The following MOB3A variants were observed in gnomAD, a reference collection of about 807,000 sequenced individuals.
MOB3A encodes MOB kinase activator 3A.
MOB3A carries 17 observed loss-of-function variants against 17.8 expected under a neutral mutation model. That is an observed-to-expected ratio of 0.95 (90% CI 0.65 to 1.43). The LOEUF is 1.43. Among genes scored for constraint, MOB3A ranks in the 40% most tolerant of loss-of-function variants. The pLI is 0.00. For missense variants in MOB3A, 333 were observed against 310.8 expected, an observed-to-expected ratio of 1.07 and a Z score of -0.54; for synonymous variants, 124 against 133.2, an observed-to-expected ratio of 0.93 and a Z score of 0.48.
At chr19:2,084,885 G>A (rs953748946) in intron 2 of MOB3A, among the ~76,000 whole-genome samples, 3 of 151,930 alleles carry the variant, frequency 2.0e-5, no homozygotes, top group Admixed American at 1.3e-4. Context: ...CACCGTGCCC[G>A]GCCTAGTTTT....
At position 2,078,569 on chromosome 19, in the gene MOB3A, C is replaced by T. The variant is rs777697541; in HGVS notation, c.-9G>A. ...AGGAAGGGGTTGGACATCTTGGTGACGCCTGCTCTCCTGGACTTCTGTAGA... is the reference window on the plus strand; with the variant it reads ...AGGAAGGGGTTGGACATCTTGGTGATGCCTGCTCTCCTGGACTTCTGTAGA... On this transcript the variant is annotated 5_prime_UTR_variant, in exon 3 of 5. Coordinates refer to ENST00000357066, the MANE Select transcript of MOB3A (RefSeq NM_130807.3). The T allele has an allele frequency of 7.1e-5, 110 of 1,555,684 alleles. 1 individual carries two copies. The highest frequency in any genetic ancestry group is 3.5e-4 in the Middle Eastern group (2 of 5,786).
chr19:2,088,245 C>A (rs553654534), intron 1 of MOB3A, among the ~76,000 whole-genome samples: 1 of 152,270 alleles, frequency 6.6e-6, no homozygotes, highest in East Asian at 1.9e-4. Context: ...GTCCACAGTG[C>A]CGAGGGGGAC....
chr19:2,081,354 G>A (rs558585787), intron 2 of MOB3A, among the ~76,000 whole-genome samples: 7 of 152,298 alleles, frequency 4.6e-5, no homozygotes, highest in African/African-American at 1.2e-4. Flanking sequence ...TTGGGAGGCC[G>A]AGGCGGGTGG....
chr19:2,088,085 C>A (rs1173803804), intron 1 of MOB3A, among the ~76,000 whole-genome samples: 1 of 152,170 alleles, frequency 6.6e-6, no homozygotes, highest in African/African-American at 2.4e-5. Context: ...TTCTGCACCC[C>A]GGGGACTCAT....
chr19:2,074,992 C>T (rs2017385705), intron 4 of MOB3A, among the ~76,000 whole-genome samples: 1 of 151,448 alleles, frequency 6.6e-6, no homozygotes, highest in South Asian at 2.1e-4. Flanking sequence ...GCTGGGATTA[C>T]AGGCGTGAGC....
Position 2,096,290 on chromosome 19 carries a change from G to GC in MOB3A, c.-339dup, listed in dbSNP as rs2017695015. 3.2e-5 allele frequency: 5 copies of GC among 158,262 alleles called. No individual in the cohort carries two copies. The highest frequency in any genetic ancestry group is 2.6e-4 in the Admixed American group (4 of 15,296). 9.8% of individuals were successfully genotyped at this position (158,262 alleles called of 1,614,324 possible). On this transcript the variant is annotated 5_prime_UTR_variant, in exon 1 of 5. Transcript: ENST00000357066. ...CCAACTGGCCGCCTCGGCCGCCTCA[G>GC]CCGCCGCACCGCCTCGCAGCCGCCG...
At position 2,078,604 on chromosome 19, in the gene MOB3A, G is replaced by C. The variant is rs772388573; in HGVS notation, c.-44C>G. The C allele has an allele frequency of 2.0e-6, 3 of 1,520,436 alleles. No individual in the cohort carries two copies. Among genetic ancestry groups the C allele is most frequent in the Non-Finnish European group, 2.6e-6 (3 of 1,134,036 alleles). 94.2% of individuals were successfully genotyped at this position (1,520,436 alleles called of 1,614,324 possible). ...CCTGGACTTCTGTAGAGGGGTCCTG[G>C]GCCAGCTGGCTGGGGGTGCTGACCA... is the stretch of plus-strand genomic sequence containing the variant. On this transcript the variant is annotated 5_prime_UTR_variant, in exon 3 of 5. Coordinates refer to ENST00000357066, the MANE Select transcript of MOB3A (RefSeq NM_130807.3).
chr19:2,095,734 CCTTTTTT>C (rs1018166008), intron 1 of MOB3A, among the ~76,000 whole-genome samples: 20 of 151,962 alleles, frequency 1.3e-4, no homozygotes, highest in East Asian at 7.8e-4. Context: ...GTTCGCCCTT[CCTTTTTT>C]CTTTTTTCTT....
At chr19:2,077,962 T>A (rs1288880929) in intron 3 of MOB3A, among the ~76,000 whole-genome samples, 178 bp downstream of exon 3, 1 of 151,892 alleles carries the variant, frequency 6.6e-6, no homozygotes, top group Admixed American at 6.6e-5. Context: ...TTTTAAAATT[T>A]TTTGTAGAGA....
At chr19:2,081,264 G>C (rs1018450533) in intron 2 of MOB3A, among the ~76,000 whole-genome samples, 4 of 152,174 alleles carry the variant, frequency 2.6e-5, no homozygotes, top group South Asian at 2.1e-4. Context: ...TGGGGGTCGG[G>C]GGGAAGAGAT....
chr19:2,082,381 A>C lies in MOB3A; in HGVS notation c.-120+2794T>G, dbSNP rs2017500126. On this transcript the variant is annotated intron_variant, in intron 2 of 4. Coordinates refer to ENST00000357066, the MANE Select transcript of MOB3A (RefSeq NM_130807.3). The surrounding 1 kb of genome is among the most constrained non-coding windows in gnomAD (Gnocchi z 4.1). ...CTCCCCCAAGTTATGACAACCACAG[A>C]TGTGCCCAGACATCACCCAGTGTCC... Among the ~76,000 whole-genome samples, 2 of 152,178 alleles carry C rather than the reference A, an allele frequency of 1.3e-5. No homozygotes were observed. The highest frequency in any genetic ancestry group is 4.8e-5 in the African/African-American group (2 of 41,434).
rs201863872 is a variant in MOB3A at position 2,073,443 on chromosome 19, A to G, written c.625-19T>C. On this transcript the variant is annotated intron_variant, in intron 4 of 4. Coordinates refer to ENST00000357066, the MANE Select transcript of MOB3A (RefSeq NM_130807.3). Reference sequence around the variant, plus strand: ...TTTCTTTCTGTAAAGAGCAAGCAAGACATCAGCTCCCACCAGCCACTCCTA... The same window carrying G: ...TTTCTTTCTGTAAAGAGCAAGCAAGGCATCAGCTCCCACCAGCCACTCCTA... 53 of 1,613,894 alleles carry G rather than the reference A, an allele frequency of 3.3e-5. No individual in the cohort carries two copies. In the East Asian group the frequency reaches 1.1e-3, roughly 35 times the overall value.
chr19:2,073,172 T>C lies in MOB3A; in HGVS notation c.*223A>G. ...GCTAGTAACACATAGAATTACAGAG[T>C]TCACGTTTTAGTCCCAGACGGGAGA... is the stretch of plus-strand genomic sequence containing the variant. On this transcript the variant is annotated 3_prime_UTR_variant, in exon 5 of 5. Transcript: ENST00000357066. 1 of 615,682 alleles carries C rather than the reference T, an allele frequency of 1.6e-6. No homozygotes were observed. Among genetic ancestry groups the C allele is most frequent in the Non-Finnish European group, 2.9e-6 (1 of 345,238 alleles). The allele number at this position is 615,682 out of a possible 1,614,324, so 38.1% of individuals were successfully genotyped here. A position where few individuals can be genotyped will look rare whatever the true frequency, so the allele number is the denominator to read the frequency against.
intron 2 of MOB3A, among the ~76,000 whole-genome samples, chr19:2,080,243 G>A (rs949170807): frequency 6.6e-6 from 1 of 152,148 alleles, no homozygotes; most frequent in African/African-American, 2.4e-5. Flanking sequence ...ACCACAGCAT[G>A]AAGAGGACCC....
intron 3 of MOB3A, 115 bp from the exon 4 acceptor site, chr19:2,077,128 C>T (rs760478014): frequency 6.0e-5 from 51 of 850,614 alleles, no homozygotes; most frequent in Middle Eastern, 3.3e-4. Flanking sequence ...AGATCGGGCG[C>T]GGTGGCTGAC....
At chr19:2,087,834 C>T (rs1312517310) in intron 1 of MOB3A, among the ~76,000 whole-genome samples, 1 of 152,254 alleles carries the variant, frequency 6.6e-6, no homozygotes, top group African/African-American at 2.4e-5. Flanking sequence ...CAGGGCCACA[C>T]TCCTTTCACG....
In MOB3A at chr19:2,073,428, TA is replaced by T. The variant is rs768208914; in HGVS notation, c.625-5del. ...ACATCCGGGCGGTCATTTCTTTCTG[TA>T]AAGAGCAAGCAAGACATCAGCTCCC... On this transcript the variant is annotated splice_region_variant and splice_polypyrimidine_tract_variant and intron_variant, in intron 4 of 4. Transcript: ENST00000357066. The T allele has an allele frequency of 2.5e-6, 4 of 1,613,480 alleles. 1 individual carries two copies. The South Asian group carries it at 3.3e-5, about 13-fold the overall frequency.
chr19:2,077,305 G>C (rs2017424905), intron 3 of MOB3A, among the ~76,000 whole-genome samples: 1 of 152,076 alleles, frequency 6.6e-6, no homozygotes, highest in Non-Finnish European at 1.5e-5. Flanking sequence ...AGGAGGCTGA[G>C]GCAGAAGAAT....
At chr19:2,080,326 A>G (rs1205796247) in intron 2 of MOB3A, among the ~76,000 whole-genome samples, 1 of 151,924 alleles carries the variant, frequency 6.6e-6, no homozygotes, top group Non-Finnish European at 1.5e-5. Flanking sequence ...GCTCCACGCA[A>G]CGCTCACAAG....
Sources: gnomAD v4.1 joint callset for allele counts (sites outside exome capture counted in the v4.1 genomes callset) on GRCh38, gnomAD v4.1.1 for gene constraint, Gnocchi (gnomAD v3.1) non-coding constraint, MANE v1.5 for transcripts, NCBI Gene and HGNC (gene_info 2026-07-23, HGNC 2026-07-21) for gene names.